RNGTT: variants seen among roughly 807,000 people sequenced by gnomAD.
RNGTT encodes the protein mRNA-capping enzyme.
RNGTT carries 33 observed loss-of-function variants against 79.3 expected under a neutral mutation model. That is an observed-to-expected ratio of 0.42 (90% CI 0.32 to 0.56). The LOEUF is 0.56. RNGTT is among the 20% of genes least tolerant of loss of function. RNGTT has a pLI of 0.17. For synonymous variants in RNGTT, 222 were observed against 235.9 expected (o/e 0.94, Z 0.54); for missense variants, 497 against 739.1 (o/e 0.67, Z 3.80).
chr6:88,743,765 T>C (rs1777570830), intron 13 of RNGTT, among the ~76,000 whole-genome samples: 1 of 152,268 alleles, frequency 6.6e-6, no homozygotes, highest in Non-Finnish European at 1.5e-5. Flanking sequence ...TGAATAATGC[T>C]GCTATAAACA....
chr6:88,675,255 C>G (rs1774826003), intron 14 of RNGTT, among the ~76,000 whole-genome samples: 1 of 151,924 alleles, frequency 6.6e-6, no homozygotes, highest in Non-Finnish European at 1.5e-5. Flanking sequence ...ATCAATTAAC[C>G]AACCCTCAAC....
intron 13 of RNGTT, among the ~76,000 whole-genome samples, chr6:88,749,309 T>C (rs909996542): frequency 6.6e-6 from 1 of 152,058 alleles, no homozygotes; most frequent in South Asian, 2.1e-4. Context: ...TATTGTGGGC[T>C]ATAATAGAAG....
At chr6:88,907,388 CCTCT>C (rs1209781982) in intron 4 of RNGTT, among the ~76,000 whole-genome samples, 1 of 146,770 alleles carries the variant, frequency 6.8e-6, no homozygotes, top group Admixed American at 6.7e-5. Flanking sequence ...CTTCACATGC[CCTCT>C]CTCTCTCTTC....
intron 13 of RNGTT, among the ~76,000 whole-genome samples, chr6:88,697,111 ACT>A (rs1323215824): frequency 7.9e-5 from 12 of 152,156 alleles, no homozygotes; most frequent in Admixed American, 7.9e-4. Context: ...GCTTCATAGA[ACT>A]CTCTACAAAA....
chr6:88,896,459 C>T (rs1562308102), intron 6 of RNGTT, among the ~76,000 whole-genome samples: 7 of 152,102 alleles, frequency 4.6e-5, no homozygotes, highest in African/African-American at 1.7e-4. Flanking sequence ...AGCTTCGAGA[C>T]AGTTAATGAT....
intron 13 of RNGTT, among the ~76,000 whole-genome samples, chr6:88,695,243 A>C (rs1775620812): frequency 6.6e-6 from 1 of 152,178 alleles, no homozygotes; most frequent in African/African-American, 2.4e-5. Context: ...ATTTGGAGAA[A>C]ATATCTGTAA....
At chr6:88,940,554 T>C (rs1784814607) in intron 2 of RNGTT, among the ~76,000 whole-genome samples, 1 of 152,176 alleles carries the variant, frequency 6.6e-6, no homozygotes, top group South Asian at 2.1e-4. Flanking sequence ...GCTCAGGGTG[T>C]GGTTGTTAGT....
At position 88,678,288 on chromosome 6, in the gene RNGTT, AGGTTTTGAT is replaced by A. The variant is rs1182327420; in HGVS notation, c.1506+56_1506+64del. 10 of 1,563,664 alleles carry A rather than the reference AGGTTTTGAT, an allele frequency of 6.4e-6. No homozygotes were observed. The African/African-American group carries it at 1.1e-4, about 17-fold the overall frequency. On this transcript the variant is annotated intron_variant, in intron 14 of 15. Transcript: ENST00000369485. ...TTTTATATGTTGATTATTATTAGCA[AGGTTTTGAT>A]GGATTCTAGATAAGAGAACATCCAG...
intron 11 of RNGTT, among the ~76,000 whole-genome samples, chr6:88,807,796 C>T (rs76206191): frequency 0.02 from 3,031 of 151,828 alleles, 93 homozygotes; most frequent in African/African-American, 0.069. Flanking sequence ...ATAGTCAAAA[C>T]CCAGCAAGAA....
At chr6:88,757,898 C>A (rs1778073786) in intron 13 of RNGTT, among the ~76,000 whole-genome samples, 1 of 152,148 alleles carries the variant, frequency 6.6e-6, no homozygotes, top group Non-Finnish European at 1.5e-5. Flanking sequence ...CAAAAAGCAA[C>A]TTTTACTCCT....
chr6:88,729,840 T>G lies in RNGTT; in HGVS notation c.1439+39934A>C, dbSNP rs375492189. 2.8e-4 allele frequency among the ~76,000 whole-genome samples: 43 copies of G among 152,320 alleles called. No individual in the cohort carries two copies. The East Asian group carries it at 4.2e-3, about 15-fold the overall frequency. ...TCTGTCCAATGAGTTAGCCAACAACTCAGGGGTAAATGACCCCTTTACAGA... is the reference window on the plus strand; with the variant it reads ...TCTGTCCAATGAGTTAGCCAACAACGCAGGGGTAAATGACCCCTTTACAGA... On this transcript the variant is annotated intron_variant, in intron 13 of 15. Transcript: ENST00000369485.
chr6:88,950,020 G>C (rs183853538), intron 1 of RNGTT, among the ~76,000 whole-genome samples: 70 of 152,260 alleles, frequency 4.6e-4, no homozygotes, highest in Non-Finnish European at 6.8e-4. Flanking sequence ...GTAACTTTAA[G>C]TTGAAGCCAG....
chr6:88,726,045 TAGAG>T (rs1172737785), intron 13 of RNGTT, among the ~76,000 whole-genome samples: 2 of 149,832 alleles, frequency 1.3e-5, no homozygotes, highest in Admixed American at 6.6e-5. Context: ...CAAAGAGAGA[TAGAG>T]AGATAGAAGT....
chr6:88,773,599 T>C (rs148359005), intron 12 of RNGTT, among the ~76,000 whole-genome samples: 1 of 151,834 alleles, frequency 6.6e-6, no homozygotes, highest in East Asian at 1.9e-4. Flanking sequence ...CAGGTGGTAC[T>C]AGCATAAAGA....
chr6:88,946,016 G>A (rs1414628609), intron 1 of RNGTT, among the ~76,000 whole-genome samples: 1 of 152,126 alleles, frequency 6.6e-6, no homozygotes. Context: ...CCTGAGTTTT[G>A]GGCAGTTGTT....
At chr6:88,772,123 G>C (rs1475688330) in intron 12 of RNGTT, among the ~76,000 whole-genome samples, 2 of 151,772 alleles carry the variant, frequency 1.3e-5, no homozygotes, top group Admixed American at 6.6e-5. Context: ...AGGCTATAGT[G>C]AGCCATGATC....
chr6:88,735,527 T>C (rs1777255594), intron 13 of RNGTT, among the ~76,000 whole-genome samples: 1 of 147,248 alleles, frequency 6.8e-6, no homozygotes, highest in African/African-American at 2.5e-5. Flanking sequence ...TCCCAGAATA[T>C]TTGGAGATTA....
intron 14 of RNGTT, among the ~76,000 whole-genome samples, chr6:88,664,966 G>C (rs900402480): frequency 6.6e-6 from 1 of 152,182 alleles, no homozygotes; most frequent in African/African-American, 2.4e-5. Flanking sequence ...CTTTCTGTTT[G>C]CCCCGGACCT....
chr6:88,769,912 A>C, intron 12 of RNGTT, 38 bp from the exon 13 acceptor site: 1 of 1,413,364 alleles, frequency 7.1e-7, no homozygotes, highest in Non-Finnish European at 9.9e-7. Flanking sequence ...GTTACTAAGA[A>C]GTTAAAAATT....
Sources: allele counts gnomAD v4.1 joint callset (sites outside exome capture counted in the v4.1 genomes callset), GRCh38; gene constraint gnomAD v4.1.1; transcripts MANE v1.5; gene names NCBI Gene and HGNC (gene_info 2026-07-23, HGNC 2026-07-21).